The following MMAA variants were observed in gnomAD, a reference collection of about 807,000 sequenced individuals.
MMAA encodes the protein metabolism of cobalamin associated A.
A neutral mutation model predicts 45.0 loss-of-function variants in MMAA; 41 were observed. The ratio of observed to expected loss-of-function variants is 0.91; its 90% CI spans 0.71 to 1.18. The LOEUF (loss-of-function observed/expected upper bound fraction) is 1.18, where lower values mean the gene tolerates loss of function less well. Among genes scored for constraint, MMAA ranks in the 50% most tolerant of loss-of-function variants. MMAA has a pLI of 0.00. For missense variants in MMAA, 460 were observed against 495.7 expected, an observed-to-expected ratio of 0.93 and a Z score of 0.68; for synonymous variants, 154 against 178.2, an observed-to-expected ratio of 0.86 and a Z score of 1.08.
intron 1 of MMAA, among the ~76,000 whole-genome samples, chr4:145,635,557 C>T (rs997854140): frequency 2.2e-4 from 33 of 152,302 alleles, no homozygotes; most frequent in Admixed American, 2.1e-3. Flanking sequence ...GCCTTGTATT[C>T]TGCTATCGTG....
chr4:145,638,866 A>G (rs1247635054), intron 1 of MMAA, among the ~76,000 whole-genome samples: 1 of 152,188 alleles, frequency 6.6e-6, no homozygotes, highest in Non-Finnish European at 1.5e-5. Context: ...TAGTTCCATT[A>G]TTCGGGTTAC....
chr4:145,654,642 T>G (rs1728177249), intron 6 of MMAA, among the ~76,000 whole-genome samples: 1 of 152,238 alleles, frequency 6.6e-6, no homozygotes, highest in Admixed American at 6.5e-5. Flanking sequence ...TATCTTACTG[T>G]CATATCCCAG....
intron 1 of MMAA, among the ~76,000 whole-genome samples, chr4:145,622,522 T>A (rs1366960351): frequency 6.6e-6 from 1 of 152,176 alleles, no homozygotes; most frequent in Non-Finnish European, 1.5e-5. Context: ...GTGCTTAGCT[T>A]ACAAATTGTA....
Position 145,628,324 on chromosome 4 carries a change from T to G in MMAA, c.-66+8917T>G, listed in dbSNP as rs553669321. Among the ~76,000 whole-genome samples, 14 of 152,342 alleles carry G rather than the reference T, an allele frequency of 9.2e-5. No homozygotes were observed. The East Asian group carries it at 1.7e-3, about 19-fold the overall frequency. On this transcript the variant is annotated intron_variant, in intron 1 of 6. Coordinates refer to ENST00000649156, the MANE Select transcript of MMAA (RefSeq NM_172250.3). ...AGTGTCTTAACACAAATTTATTATC[T>G]TACAGTTCTATTGGTCAGAAGTCTG...
At chr4:145,631,611 A>G (rs916023565) in intron 1 of MMAA, among the ~76,000 whole-genome samples, 2 of 151,684 alleles carry the variant, frequency 1.3e-5, no homozygotes, top group East Asian at 1.9e-4. Flanking sequence ...CCACCACTCT[A>G]TGTTTTTTTA....
intron 1 of MMAA, chr4:145,624,646 T>A: frequency 7.0e-7 from 1 of 1,437,838 alleles, no homozygotes; most frequent in South Asian, 1.2e-5. Context: ...CAGAGCCACA[T>A]ATTCAGGGAA....
chr4:145,625,847 A>T, intron 1 of MMAA: 1 of 1,287,924 alleles, frequency 7.8e-7, no homozygotes, highest in Non-Finnish European at 1.1e-6. Context: ...CATGGCTTCT[A>T]AGACGTTCCA....
chr4:145,622,616 T>C (rs1273867007), intron 1 of MMAA, among the ~76,000 whole-genome samples: 1 of 152,242 alleles, frequency 6.6e-6, no homozygotes, highest in Admixed American at 6.5e-5. Context: ...TGTTATGCTT[T>C]TGATGGAGGC....
At chr4:145,627,621 T>C (rs1009765486) in intron 1 of MMAA, among the ~76,000 whole-genome samples, 1 of 152,092 alleles carries the variant, frequency 6.6e-6, no homozygotes, top group Non-Finnish European at 1.5e-5. Context: ...CAAATACTAT[T>C]TTTGAGGTGG....
chr4:145,653,320 T>G (rs1435777723), intron 5 of MMAA, among the ~76,000 whole-genome samples: 2 of 152,240 alleles, frequency 1.3e-5, no homozygotes, highest in Non-Finnish European at 2.9e-5. Flanking sequence ...GAAAAGAAAT[T>G]TTAATCTTAT....
In MMAA at chr4:145,642,496, C is replaced by T. The variant is rs746737805; in HGVS notation, c.562+11C>T. The T allele has an allele frequency of 1.5e-5, 24 of 1,613,948 alleles. No homozygotes were observed. The East Asian group carries it at 5.3e-4, about 36-fold the overall frequency. On this transcript the variant is annotated intron_variant, in intron 3 of 6. Coordinates refer to ENST00000649156, the MANE Select transcript of MMAA (RefSeq NM_172250.3). ...CTTGTACTAGTGGTGGTAAGTATGGCTGATTCTTTTTCAATTGCAGAGGTC... is the reference window on the plus strand; with the variant it reads ...CTTGTACTAGTGGTGGTAAGTATGGTTGATTCTTTTTCAATTGCAGAGGTC...
At chr4:145,649,740 C>A (rs762547415) in intron 4 of MMAA, among the ~76,000 whole-genome samples, 7 of 151,956 alleles carry the variant, frequency 4.6e-5, no homozygotes, top group African/African-American at 1.7e-4. Context: ...TCCATCACAC[C>A]GAGAAAGGGA....
At chr4:145,650,094 G>A (rs765238514) in intron 4 of MMAA, among the ~76,000 whole-genome samples, 4 of 152,176 alleles carry the variant, frequency 2.6e-5, no homozygotes, top group African/African-American at 9.7e-5. Flanking sequence ...AGTGAGAAAC[G>A]TGGTGATAGT....
At chr4:145,648,348 A>T (rs891479810) in intron 4 of MMAA, among the ~76,000 whole-genome samples, 6 of 148,724 alleles carry the variant, frequency 4.0e-5, no homozygotes, top group African/African-American at 1.5e-4. Flanking sequence ...GGGTTTCACC[A>T]TATTGGCCAG....
At chr4:145,653,090 C>A (rs898001460) in intron 5 of MMAA, among the ~76,000 whole-genome samples, 11 of 152,008 alleles carry the variant, frequency 7.2e-5, no homozygotes, top group African/African-American at 2.7e-4. Context: ...CCGAGTTGGT[C>A]TTGAACTCTT....
At chr4:145,623,387 T>C (rs1235992010) in intron 1 of MMAA, among the ~76,000 whole-genome samples, 1 of 152,218 alleles carries the variant, frequency 6.6e-6, no homozygotes, top group Admixed American at 6.5e-5. Flanking sequence ...CACAGGTGTG[T>C]AGAATATTTT....
chr4:145,631,413 T>G (rs1219627702), intron 1 of MMAA, among the ~76,000 whole-genome samples: 3 of 152,208 alleles, frequency 2.0e-5, no homozygotes, highest in Non-Finnish European at 2.9e-5. Flanking sequence ...TCCTTGTCTC[T>G]TCTTACAGTT....
intron 5 of MMAA, among the ~76,000 whole-genome samples, chr4:145,652,792 C>T (rs529877916): frequency 6.6e-6 from 1 of 152,172 alleles, no homozygotes; most frequent in Admixed American, 6.5e-5. Flanking sequence ...GAATAACAGA[C>T]ACTCCTGTTA....
chr4:145,651,261 T>C (rs1728080247), intron 5 of MMAA, 114 bp downstream of exon 5: 2 of 906,702 alleles, frequency 2.2e-6, no homozygotes, highest in Non-Finnish European at 3.5e-6. Flanking sequence ...AAATGAAATA[T>C]CATTCATGTT....
Sources: allele counts gnomAD v4.1 joint callset (sites outside exome capture counted in the v4.1 genomes callset), GRCh38; gene constraint gnomAD v4.1.1; transcripts MANE v1.5; gene names NCBI Gene and HGNC (gene_info 2026-07-23, HGNC 2026-07-21).